Variants in SDCCAG8 observed in about 807,000 individuals in gnomAD.
SDCCAG8 encodes the protein SHH signaling and ciliogenesis regulator SDCCAG8, also known as serologically defined colon cancer antigen 8.
Under a neutral mutation model 101.8 loss-of-function variants are expected in SDCCAG8, and 74 were observed. The observed-to-expected ratio is 0.73, with a 90% CI of 0.60 to 0.88. SDCCAG8 has a LOEUF of 0.88. Ranked by LOEUF, SDCCAG8 falls within the 40% of genes least tolerant of loss-of-function variation. The probability of loss-of-function intolerance (pLI) is 0.00; values close to 1 mark genes in which losing one functional copy is unlikely to be tolerated. For missense variants in SDCCAG8, 787 were observed against 822.6 expected, an observed-to-expected ratio of 0.96 and a Z score of 0.53; for synonymous variants, 281 against 292.9, an observed-to-expected ratio of 0.96 and a Z score of 0.41.
At position 243,489,114 on chromosome 1, in the gene SDCCAG8, G is replaced by A; in HGVS notation, c.2086G>A (p.Glu696Lys). ...QLLLERQSLS[E>K]EVDRLRTQLP... ...TCTCCTGGAGAGGCAGAGCCTGTCGGAAGAGGTGGACCGGCTGCGGACCCA... is the reference window on the plus strand; with the variant it reads ...TCTCCTGGAGAGGCAGAGCCTGTCGAAAGAGGTGGACCGGCTGCGGACCCA... Residue 696 changes from glutamate to lysine, a missense_variant, in exon 17 of 18, where the codon GAA becomes AAA. By Grantham distance (56) the Glu-to-Lys change is moderately conservative. Transcript: ENST00000366541. 1 of 1,612,946 alleles carries A rather than the reference G, an allele frequency of 6.2e-7. No homozygotes were observed. The highest frequency in any genetic ancestry group is 8.5e-7 in the Non-Finnish European group (1 of 1,179,990).
chr1:243,485,397 C>T (rs1252769865), intron 16 of SDCCAG8, among the ~76,000 whole-genome samples: 4 of 152,152 alleles, frequency 2.6e-5, no homozygotes, highest in Non-Finnish European at 5.9e-5. Context: ...TAGCAGTCAT[C>T]AACAGTGCTA....
intron 13 of SDCCAG8, among the ~76,000 whole-genome samples, chr1:243,409,208 C>T (rs2079996942): frequency 6.6e-6 from 1 of 152,108 alleles, no homozygotes. Context: ...AAACTACTTT[C>T]TGTGTATTCC....
At chr1:243,359,585 C>A (rs117872118) in intron 12 of SDCCAG8, among the ~76,000 whole-genome samples, 3 of 152,074 alleles carry the variant, frequency 2.0e-5, no homozygotes, top group Non-Finnish European at 4.4e-5. Flanking sequence ...AGGGCACAAG[C>A]GGGTGCAACA....
chr1:243,344,309 G>A lies in SDCCAG8; in HGVS notation c.1451G>A (p.Arg484Lys), dbSNP rs2075568905. 5 of 1,613,002 alleles carry A rather than the reference G, an allele frequency of 3.1e-6. No individual in the cohort carries two copies. Among genetic ancestry groups the A allele is most frequent in the Non-Finnish European group, 4.2e-6 (5 of 1,179,210 alleles). ...EHREFRAKTN[R>K]DLEIKDQEIE... ...AGAGAGTTCAGAGCAAAAACTAACA[G>A]GGATCTTGAAATTAAAGATCAGGTA... Residue 484 changes from arginine to lysine, a missense_variant, in exon 12 of 18, where the codon AGG becomes AAG. Transcript: ENST00000366541.
At chr1:243,334,216 G>T (rs912175168) in intron 10 of SDCCAG8, among the ~76,000 whole-genome samples, 1 of 152,092 alleles carries the variant, frequency 6.6e-6, no homozygotes, top group African/African-American at 2.4e-5. Context: ...AGCCCCTGTG[G>T]TGTCCTTGCC....
chr1:243,264,820 C>T (rs1286827523), intron 1 of SDCCAG8, among the ~76,000 whole-genome samples: 1 of 152,156 alleles, frequency 6.6e-6, no homozygotes, highest in African/African-American at 2.4e-5. Context: ...AGTTTATAGT[C>T]AGTTCCTGGT....
chr1:243,318,989 A>G (rs1383438014), intron 9 of SDCCAG8, among the ~76,000 whole-genome samples: 1 of 152,172 alleles, frequency 6.6e-6, no homozygotes, highest in Admixed American at 6.5e-5. Flanking sequence ...TGCAGGCTGC[A>G]TACGAAGCAT....
chr1:243,424,215 G>A (rs1229395015), intron 15 of SDCCAG8, among the ~76,000 whole-genome samples: 2 of 151,746 alleles, frequency 1.3e-5, no homozygotes, highest in Admixed American at 6.6e-5. Flanking sequence ...TAATTAATAA[G>A]CTTTATTTTT....
chr1:243,274,739 A>G (rs2068389780), intron 4 of SDCCAG8, 83 bp downstream of exon 4: 1 of 818,802 alleles, frequency 1.2e-6, no homozygotes, highest in Non-Finnish European at 2.0e-6. Flanking sequence ...GCTGCTATAA[A>G]TCTTCATGTT....
At chr1:243,415,493 G>A (rs1224691659) in intron 13 of SDCCAG8, among the ~76,000 whole-genome samples, 1 of 152,186 alleles carries the variant, frequency 6.6e-6, no homozygotes, top group Non-Finnish European at 1.5e-5. Context: ...GCACACTTTA[G>A]TCCATTTGGA....
At chr1:243,306,403 T>C (rs1249002555) in intron 7 of SDCCAG8, 1 of 152,182 alleles carries the variant, frequency 6.6e-6, no homozygotes, top group Non-Finnish European at 1.5e-5. Context: ...AATCCAGATA[T>C]TTCATCTTTA....
chr1:243,491,815 A>T (rs1414875679), intron 17 of SDCCAG8, among the ~76,000 whole-genome samples: 1 of 152,198 alleles, frequency 6.6e-6, no homozygotes, highest in Non-Finnish European at 1.5e-5. Context: ...GATCTTGGGC[A>T]GCTGAGGGTT....
At chr1:243,406,186 T>C (rs1172822060) in intron 13 of SDCCAG8, among the ~76,000 whole-genome samples, 1 of 152,126 alleles carries the variant, frequency 6.6e-6, no homozygotes, top group East Asian at 1.9e-4. Context: ...TTTTTGAAAA[T>C]ATGAAGATAC....
intron 13 of SDCCAG8, among the ~76,000 whole-genome samples, chr1:243,396,542 T>C (rs1277009794): frequency 2.0e-5 from 3 of 152,252 alleles, no homozygotes; most frequent in Non-Finnish European, 4.4e-5. Flanking sequence ...AATTTCTTAA[T>C]TGGAATACTC....
At chr1:243,322,230 C>CCA (rs1480209557) in intron 9 of SDCCAG8, among the ~76,000 whole-genome samples, 1 of 152,142 alleles carries the variant, frequency 6.6e-6, no homozygotes, top group African/African-American at 2.4e-5. Context: ...AGGCAAGAGG[C>CCA]CACACTCAAA....
intron 17 of SDCCAG8, among the ~76,000 whole-genome samples, chr1:243,496,926 G>A (rs1456973192): frequency 2.0e-5 from 3 of 152,258 alleles, no homozygotes; most frequent in East Asian, 1.9e-4. Flanking sequence ...TGGACAGCAC[G>A]GCAGGGGAGC....
intron 9 of SDCCAG8, among the ~76,000 whole-genome samples, chr1:243,317,748 C>T (rs2073385676): frequency 6.6e-6 from 1 of 152,174 alleles, no homozygotes; most frequent in African/African-American, 2.4e-5. Flanking sequence ...ACTGTTGATT[C>T]ATTACTGTAT....
chr1:243,399,602 G>T (rs1337630625), intron 13 of SDCCAG8, among the ~76,000 whole-genome samples: 1 of 152,020 alleles, frequency 6.6e-6, no homozygotes, highest in Admixed American at 6.6e-5. Flanking sequence ...CGCCTCCCGG[G>T]TTCAAGTGAT....
chr1:243,388,291 A>G (rs1440724607), intron 13 of SDCCAG8, among the ~76,000 whole-genome samples: 1 of 152,176 alleles, frequency 6.6e-6, no homozygotes, highest in East Asian at 1.9e-4. Flanking sequence ...TCATTCTGAA[A>G]TTGATGATAA....
Sources: allele counts gnomAD v4.1 joint callset (sites outside exome capture counted in the v4.1 genomes callset), GRCh38; gene constraint gnomAD v4.1.1; transcripts MANE v1.5; gene names NCBI Gene and HGNC (gene_info 2026-07-23, HGNC 2026-07-21).